THSD4: variants seen among roughly 807,000 people sequenced by gnomAD.
THSD4 encodes the protein thrombospondin type-1 domain-containing protein 4.
THSD4 carries 69 observed loss-of-function variants against 119.0 expected under a neutral mutation model. The ratio of observed to expected loss-of-function variants is 0.58; its 90% confidence interval spans 0.48 to 0.71. The LOEUF (loss-of-function observed/expected upper bound fraction) is 0.71. THSD4 is among the 30% of genes least tolerant of loss of function. The pLI is 0.00. For missense variants in THSD4, 1,393 were observed against 1,391.1 expected (o/e 1.00, Z -0.02); for synonymous variants, 524 against 540.4 (o/e 0.97, Z 0.42).
At chr15:71,387,842 A>T (rs2046315108) in intron 6 of THSD4, among the ~76,000 whole-genome samples, 1 of 152,058 alleles carries the variant, frequency 6.6e-6, no homozygotes. Flanking sequence ...TCAGCCCAGA[A>T]CCCCTCTTCC....
chr15:71,288,235 T>G (rs1371753281), intron 6 of THSD4, among the ~76,000 whole-genome samples: 1 of 152,184 alleles, frequency 6.6e-6, no homozygotes, highest in Non-Finnish European at 1.5e-5. Flanking sequence ...AACGGCAAAC[T>G]GGAAACTTTC....
chr15:71,692,005 A>G (rs996027421), intron 8 of THSD4, among the ~76,000 whole-genome samples: 6 of 152,326 alleles, frequency 3.9e-5, no homozygotes, highest in African/African-American at 1.4e-4. Context: ...TCTGGGAGGG[A>G]TAACAACATT....
intron 11 of THSD4, 64 bp downstream of exon 11, chr15:71,738,071 C>T (rs745810778): frequency 1.3e-5 from 21 of 1,584,228 alleles, no homozygotes; most frequent in Non-Finnish European, 1.7e-5. Context: ...TGTGGGTGGC[C>T]CAAGGCAGCG....
At chr15:71,547,336 A>G (rs2048851886) in intron 7 of THSD4, 1 of 1,542,830 alleles carries the variant, frequency 6.5e-7, no homozygotes, top group Non-Finnish European at 8.8e-7. Context: ...ATCCCGAGAC[A>G]CAAGTGCATC....
rs149067446 is a variant in THSD4 at position 71,607,598 on chromosome 15, C to T, written c.1153-52932C>T. Among the ~76,000 whole-genome samples, 513 of 152,244 alleles carry T rather than the reference C, an allele frequency of 3.4e-3. 1 individual carries two copies. Among genetic ancestry groups the T allele is most frequent in the African/African-American group, 0.012 (479 of 41,548 alleles). Reference sequence around the variant, plus strand: ...ATGAGGAGGGTGCTCAGGAAAGCACCGGTGTGGCAGAGCCTTACCCAACCC... The same window carrying T: ...ATGAGGAGGGTGCTCAGGAAAGCACTGGTGTGGCAGAGCCTTACCCAACCC... On this transcript the variant is annotated intron_variant, in intron 7 of 17. Coordinates refer to ENST00000261862, the MANE Select transcript of THSD4 (RefSeq NM_024817.3).
At chr15:71,534,388 A>C (rs904011306) in intron 7 of THSD4, among the ~76,000 whole-genome samples, 3 of 152,160 alleles carry the variant, frequency 2.0e-5, no homozygotes, top group African/African-American at 7.2e-5. Context: ...GCAACGTGTT[A>C]TTTGATTTTG....
At chr15:71,484,050 A>G (rs990762944) in intron 7 of THSD4, among the ~76,000 whole-genome samples, 12 of 152,212 alleles carry the variant, frequency 7.9e-5, no homozygotes, top group Non-Finnish European at 1.5e-4. Flanking sequence ...CCTTTCAAAT[A>G]TATCTCAGAA....
At chr15:71,694,409 T>C (rs1002271146) in intron 8 of THSD4, among the ~76,000 whole-genome samples, 1 of 152,248 alleles carries the variant, frequency 6.6e-6, no homozygotes, top group Non-Finnish European at 1.5e-5. Context: ...AGTATGACTC[T>C]GGGTCAACAT....
intron 8 of THSD4, among the ~76,000 whole-genome samples, chr15:71,670,145 A>T (rs545013825): frequency 2.6e-5 from 4 of 152,020 alleles, no homozygotes; most frequent in African/African-American, 9.6e-5. Context: ...GGTTTGTTAC[A>T]TATGTATACC....
intron 6 of THSD4, among the ~76,000 whole-genome samples, chr15:71,283,027 T>A (rs1221625633): frequency 6.7e-6 from 1 of 148,982 alleles, no homozygotes; most frequent in Non-Finnish European, 1.5e-5. Context: ...TGGAGTGCAG[T>A]GGCACAATCT....
intron 7 of THSD4, among the ~76,000 whole-genome samples, chr15:71,611,017 T>C (rs559671296): frequency 6.6e-6 from 1 of 152,328 alleles, no homozygotes; most frequent in East Asian, 1.9e-4. Context: ...ATAAACAACG[T>C]GTTACCCTAG....
chr15:71,741,402 A>G lies in THSD4; in HGVS notation c.1906+3395A>G, dbSNP rs188612754. On this transcript the variant is annotated intron_variant, in intron 11 of 17. Coordinates refer to ENST00000261862, the MANE Select transcript of THSD4 (RefSeq NM_024817.3). ...CAGCTACTCGGGAGGCTGAGGCAGGACAATTGCTTGAACCCAGGAGGCGGA... is the reference window on the plus strand; with the variant it reads ...CAGCTACTCGGGAGGCTGAGGCAGGGCAATTGCTTGAACCCAGGAGGCGGA... 1.2e-3 allele frequency among the ~76,000 whole-genome samples: 186 copies of G among 152,248 alleles called. 1 individual carries two copies. The highest frequency in any genetic ancestry group is 4.1e-3 in the African/African-American group (170 of 41,542).
chr15:71,324,008 T>C (rs563638561), intron 6 of THSD4, among the ~76,000 whole-genome samples: 7 of 152,214 alleles, frequency 4.6e-5, no homozygotes, highest in Non-Finnish European at 1.0e-4. Flanking sequence ...CTTCAGCATC[T>C]GTCTCTGTCG....
chr15:71,532,295 T>A (rs371089473), intron 7 of THSD4, among the ~76,000 whole-genome samples: 6,092 of 67,104 alleles, frequency 0.091, 163 homozygotes, highest in African/African-American at 0.13. Flanking sequence ...TGTGTGTGTG[T>A]GTGTGTGTGT....
chr15:71,112,516 G>A (rs2040313149), upstream of THSD4, among the ~76,000 whole-genome samples: 1 of 152,160 alleles, frequency 6.6e-6, no homozygotes, highest in Non-Finnish European at 1.5e-5. Context: ...CTAACAAAGA[G>A]CCTCTAAGAA....
At position 71,777,481 on chromosome 15, in the gene THSD4, G is replaced by A. The variant is rs1031956252; in HGVS notation, c.*107G>A. 11 of 1,457,734 alleles carry A rather than the reference G, an allele frequency of 7.5e-6. No individual in the cohort carries two copies. The highest frequency in any genetic ancestry group is 1.0e-5 in the Non-Finnish European group (11 of 1,096,478). 90.3% of individuals were successfully genotyped at this position (1,457,734 alleles called of 1,614,324 possible). The stretch of plus-strand genomic sequence containing the variant: ...CCACGGGCCCCCTGGCCCAGGCGCT[G>A]CCAACCAACTTAGTCACCACCCCTG... On this transcript the variant is annotated 3_prime_UTR_variant, in exon 18 of 18. Transcript: ENST00000261862.
intron 7 of THSD4, among the ~76,000 whole-genome samples, chr15:71,466,538 C>G (rs1372318661): frequency 6.6e-6 from 1 of 152,096 alleles, no homozygotes; most frequent in Non-Finnish European, 1.5e-5. Flanking sequence ...AGGAGCCTTC[C>G]TTGAGTCTTC....
chr15:71,390,963 G>A (rs1321894643), intron 6 of THSD4, among the ~76,000 whole-genome samples: 1 of 147,544 alleles, frequency 6.8e-6, no homozygotes, highest in African/African-American at 2.5e-5. Context: ...GATGCTCAAG[G>A]GATCCTCCCA....
chr15:71,470,745 C>T (rs1481375213), intron 7 of THSD4, among the ~76,000 whole-genome samples: 2 of 151,924 alleles, frequency 1.3e-5, no homozygotes, highest in Admixed American at 6.6e-5. Context: ...ACGCCATTCT[C>T]CTGCCTCAGC....
Sources: gnomAD v4.1 joint callset for allele counts (sites outside exome capture counted in the v4.1 genomes callset) on GRCh38, gnomAD v4.1.1 for gene constraint, MANE v1.5 for transcripts, NCBI Gene and HGNC (gene_info 2026-07-23, HGNC 2026-07-21) for gene names.